OGFRL1: variants seen among roughly 807,000 people sequenced by gnomAD.
OGFRL1 encodes opioid growth factor receptor like 1.
Under a neutral mutation model 32.4 loss-of-function variants are expected in OGFRL1, and 26 were observed. The observed-to-expected ratio is 0.80, with a 90% CI of 0.59 to 1.11. The LOEUF is 1.11. OGFRL1 is among the 50% of genes most tolerant of loss of function. The pLI is 0.00. For synonymous variants in OGFRL1, 211 were observed against 201.2 expected (o/e 1.05, Z -0.41); for missense variants, 521 against 546.4 (o/e 0.95, Z 0.46).
Position 71,301,428 on chromosome 6 carries a change from C to T in OGFRL1, c.735C>T (p.Ser245=), listed in dbSNP as rs200926495. The change falls in exon 7 of 7, where the codon AGC becomes AGT. Residue 245 remains serine, a synonymous_variant. Transcript: ENST00000370435. ...TAAGAATCACTCGTATTCTTAAAAG[C>T]CTTGGTGAGCTTGGATATGAAAGTT... ...NYLRITRILK[S]LGELGYESFK... 3.1e-5 allele frequency: 50 copies of T among 1,606,480 alleles called. No individual in the cohort carries two copies. Among genetic ancestry groups the T allele is most frequent in the Non-Finnish European group, 3.9e-5 (46 of 1,177,816 alleles).
At chr6:71,298,530 C>T (rs1360485429) in intron 6 of OGFRL1, among the ~76,000 whole-genome samples, 1 of 152,122 alleles carries the variant, frequency 6.6e-6, no homozygotes, top group Non-Finnish European at 1.5e-5. Flanking sequence ...GTTTTGTTAT[C>T]ATATCCTCTG....
chr6:71,288,896 C>T lies in OGFRL1; in HGVS notation c.-41C>T. The T allele has an allele frequency of 8.1e-7, 1 of 1,235,686 alleles. No homozygotes were observed. The highest frequency in any genetic ancestry group is 1.0e-6 in the Non-Finnish European group (1 of 972,458). 76.5% of individuals were successfully genotyped at this position (1,235,686 alleles called of 1,614,324 possible). ...CCTAGAGCGCCTGCCGCAGCTTGCG[C>T]CCCGCAGCCCCGCAGCCCCGCGCCC... On this transcript the variant is annotated 5_prime_UTR_variant, in exon 1 of 7. Transcript: ENST00000370435.
chr6:71,308,259 T>G lies in OGFRL1; in HGVS notation c.*6210T>G, dbSNP rs925242407. 1.3e-5 allele frequency: 2 copies of G among 152,174 alleles called. No individual in the cohort carries two copies. 9.4% of individuals were successfully genotyped at this position (152,174 alleles called of 1,614,324 possible). ...GAAGTAACTTCCACACTGTCAAGAGTTGACAGCATATTAATTGTGTGGCAT... is the reference window on the plus strand; with the variant it reads ...GAAGTAACTTCCACACTGTCAAGAGGTGACAGCATATTAATTGTGTGGCAT... On this transcript the variant is annotated 3_prime_UTR_variant, in exon 7 of 7. Coordinates refer to ENST00000370435, the MANE Select transcript of OGFRL1 (RefSeq NM_024576.5).
intron 4 of OGFRL1, 34 bp downstream of exon 4, chr6:71,296,429 C>T (rs995228075): frequency 6.3e-7 from 1 of 1,597,728 alleles, no homozygotes; most frequent in African/African-American, 1.3e-5. Context: ...GAACCATGTC[C>T]TATTTAATCA....
intron 6 of OGFRL1, among the ~76,000 whole-genome samples, chr6:71,300,739 C>G (rs1405932839): frequency 1.3e-5 from 2 of 152,142 alleles, no homozygotes; most frequent in East Asian, 3.8e-4. Context: ...CATAGAGAAA[C>G]ATAGTTTCAC....
Position 71,308,151 on chromosome 6 carries a change from A to T in OGFRL1, c.*6102A>T, listed in dbSNP as rs1766612115. 6.6e-6 allele frequency: 1 copy of T among 152,220 alleles called. No individual in the cohort carries two copies. Among genetic ancestry groups the T allele is most frequent in the African/African-American group, 2.4e-5 (1 of 41,468 alleles). 9.4% of individuals were successfully genotyped at this position (152,220 alleles called of 1,614,324 possible). On this transcript the variant is annotated 3_prime_UTR_variant, in exon 7 of 7. Transcript: ENST00000370435. ...AAGTTTAATTCCTTTGCCTGTGTGT[A>T]GCAACAGTTGGTAGTTTTACAAGTT...
chr6:71,307,445 T>C lies in OGFRL1; in HGVS notation c.*5396T>C, dbSNP rs900466319. The stretch of plus-strand genomic sequence containing the variant: ...TGTGAGCAGTTGGGCATTAGTAAAT[T>C]GTAGTTATATCTTAACGATCTTGGG... On this transcript the variant is annotated 3_prime_UTR_variant, in exon 7 of 7. Coordinates refer to ENST00000370435, the MANE Select transcript of OGFRL1 (RefSeq NM_024576.5). 2.6e-5 allele frequency: 4 copies of C among 152,192 alleles called. No homozygotes were observed. The highest frequency in any genetic ancestry group is 9.7e-5 in the African/African-American group (4 of 41,440). 9.4% of individuals were successfully genotyped at this position (152,192 alleles called of 1,614,324 possible).
chr6:71,292,006 T>C (rs557305413), intron 1 of OGFRL1: 2 of 152,350 alleles, frequency 1.3e-5, no homozygotes, highest in African/African-American at 4.8e-5. Context: ...GAAACACTTA[T>C]TAACTGTCAA....
chr6:71,295,256 G>T (rs1361404290), intron 3 of OGFRL1: 1 of 152,124 alleles, frequency 6.6e-6, no homozygotes, highest in Non-Finnish European at 1.5e-5. Flanking sequence ...GAGGTAAATG[G>T]TTTCAACATG....
rs930616630 is a variant in OGFRL1 at position 71,304,515 on chromosome 6, T to C, written c.*2466T>C. 2 of 152,094 alleles carry C rather than the reference T, an allele frequency of 1.3e-5. No homozygotes were observed. The highest frequency in any genetic ancestry group is 4.8e-5 in the African/African-American group (2 of 41,440). The allele number at this position is 152,094 out of a possible 1,614,324, so 9.4% of individuals were successfully genotyped here. ...TAAAGTATTCAGACAACTTTCTAAA[T>C]GCATAATAGTAAAAGATTGTGACCA... On this transcript the variant is annotated 3_prime_UTR_variant, in exon 7 of 7. Transcript: ENST00000370435.
chr6:71,289,643 T>A, intron 1 of OGFRL1: 1 of 980,330 alleles, frequency 1.0e-6, no homozygotes, highest in Non-Finnish European at 1.2e-6. Flanking sequence ...CAGTGGGGTC[T>A]AAGCCGTCAG....
In OGFRL1 at chr6:71,301,739, C is replaced by T; in HGVS notation, c.1046C>T (p.Ser349Phe). 6.2e-7 allele frequency: 1 copy of T among 1,613,840 alleles called. No homozygotes were observed. Among genetic ancestry groups the T allele is most frequent in the Non-Finnish European group, 8.5e-7 (1 of 1,180,018 alleles). ...TCTATGCACAAAAAAGCCAAGGACT[C>T]CAAAAATTCCTCCTCAGCTGTTCAT... The part of the protein sequence containing the change: ...QTSMHKKAKD[S>F]KNSSSAVHLN... The change falls in exon 7 of 7, where the codon TCC (serine) becomes TTC (phenylalanine). Residue 349 changes from serine to phenylalanine, a missense_variant. Coordinates refer to ENST00000370435, the MANE Select transcript of OGFRL1 (RefSeq NM_024576.5).
Position 71,289,080 on chromosome 6 carries a change from G to C in OGFRL1, c.144G>C (p.Glu48Asp), listed in dbSNP as rs1765952350. ...GCGAGGGCCCGGGGCAGGAGTCCGA[G>C]CAGCCCGCGCAGCCCCCGGAGCAAG... ...GGSEGPGQES[E>D]QPAQPPEQAG... The change falls in exon 1 of 7, where the codon GAG (glutamate) becomes GAC (aspartate). Residue 48 changes from glutamate to aspartate, a missense_variant. Physicochemically the swap from Glu to Asp is conservative, Grantham distance 45. Coordinates refer to ENST00000370435, the MANE Select transcript of OGFRL1 (RefSeq NM_024576.5). 2.6e-6 allele frequency: 3 copies of C among 1,151,306 alleles called. No homozygotes were observed. Among genetic ancestry groups the C allele is most frequent in the Non-Finnish European group, 3.2e-6 (3 of 933,936 alleles). 71.3% of individuals were successfully genotyped at this position (1,151,306 alleles called of 1,614,324 possible). A position where few individuals can be genotyped will look rare whatever the true frequency, so the allele number is the denominator to read the frequency against.
In OGFRL1 at chr6:71,288,820, C is replaced by A. The variant is rs1178680991; in HGVS notation, c.-117C>A. On this transcript the variant is annotated 5_prime_UTR_variant, in exon 1 of 7. Transcript: ENST00000370435. ...CTCGCCGCGCTGAGGCAGTGCGGGGCGGGCGCGCCTAGGCTGCCGCCCAGC... is the reference window on the plus strand; with the variant it reads ...CTCGCCGCGCTGAGGCAGTGCGGGGAGGGCGCGCCTAGGCTGCCGCCCAGC... 5.7e-6 allele frequency: 4 copies of A among 700,646 alleles called. No homozygotes were observed. The highest frequency in any genetic ancestry group is 5.3e-6 in the Non-Finnish European group (3 of 565,926). The allele number at this position is 700,646 out of a possible 1,614,324, so 43.4% of individuals were successfully genotyped here.
At position 71,293,565 on chromosome 6, in the gene OGFRL1, G is replaced by C. The variant is rs1766114243; in HGVS notation, c.354G>C (p.Leu118Phe). The C allele has an allele frequency of 8.1e-6, 13 of 1,612,876 alleles. No individual in the cohort carries two copies. Among genetic ancestry groups the C allele is most frequent in the African/African-American group, 1.3e-5 (1 of 74,834 alleles). The change falls in exon 3 of 7, where the codon TTG (leucine) becomes TTC (phenylalanine). Residue 118 changes from leucine (L) to phenylalanine (F), a missense_variant. By Grantham distance (22) the Leu-to-Phe change is conservative. Transcript: ENST00000370435. ...NFKDIRYQND[L>F]SNLRFYKNKI... The stretch of plus-strand genomic sequence containing the variant: ...AAGATATCCGATATCAAAATGACTT[G>C]AGCAATCTTCGTTTTTATAAGAATA...
At chr6:71,299,999 C>T (rs1465196569) in intron 6 of OGFRL1, among the ~76,000 whole-genome samples, 1 of 152,164 alleles carries the variant, frequency 6.6e-6, no homozygotes, top group African/African-American at 2.4e-5. Flanking sequence ...CTCATTGAAA[C>T]ATAAGACCAT....
chr6:71,292,170 T>C (rs1481844522), intron 1 of OGFRL1: 4 of 152,220 alleles, frequency 2.6e-5, no homozygotes, highest in African/African-American at 7.2e-5. Flanking sequence ...TCAGGCTAAA[T>C]AGATTCAGAA....
At chr6:71,294,996 G>A (rs1766159770) in intron 3 of OGFRL1, among the ~76,000 whole-genome samples, 1 of 151,968 alleles carries the variant, frequency 6.6e-6, no homozygotes, top group African/African-American at 2.4e-5. Context: ...TGAATTTTTG[G>A]TAATCTTTAC....
rs1766535763 is a variant in OGFRL1, at chr6:71,305,873, A to G, written c.*3824A>G. The G allele has an allele frequency of 6.6e-6, 1 of 152,132 alleles. No individual in the cohort carries two copies. The highest frequency in any genetic ancestry group is 2.1e-4 in the South Asian group (1 of 4,830). 9.4% of individuals were successfully genotyped at this position (152,132 alleles called of 1,614,324 possible). ...AGAATATTTGGTTAATTGTTTTAAT[A>G]TTAAATTTTCAAGTTTATAATAGAG... On this transcript the variant is annotated 3_prime_UTR_variant, in exon 7 of 7. Transcript: ENST00000370435.
Sources: allele counts gnomAD v4.1 joint callset (sites outside exome capture counted in the v4.1 genomes callset), GRCh38; gene constraint gnomAD v4.1.1; transcripts MANE v1.5; gene names NCBI Gene and HGNC (gene_info 2026-07-23, HGNC 2026-07-21).